Variants in NRXN1 observed in about 807,000 individuals in gnomAD.
NRXN1 encodes the protein neurexin-1.
NRXN1 carries 39 observed loss-of-function variants against 150.9 expected under a neutral mutation model. That is an observed-to-expected ratio of 0.26 (90% CI 0.20 to 0.34). The LOEUF is 0.34. Ranked by LOEUF, NRXN1 falls within the 10% of genes least tolerant of loss-of-function variation. The pLI is 1.00. For missense variants in NRXN1, 1,815 were observed against 1,949.9 expected (o/e 0.93, Z 1.30); for synonymous variants, 924 against 757.0 (o/e 1.22, Z -3.62).
At chr2:50,870,077 C>A (rs1677540732) in intron 5 of NRXN1, among the ~76,000 whole-genome samples, 1 of 151,806 alleles carries the variant, frequency 6.6e-6, no homozygotes, top group Admixed American at 6.6e-5. Context: ...CCAGAATTAT[C>A]ATAATTTTGC....
intron 5 of NRXN1, among the ~76,000 whole-genome samples, chr2:50,698,347 A>G (rs1693227997): frequency 6.6e-6 from 1 of 152,238 alleles, no homozygotes; most frequent in African/African-American, 2.4e-5. Context: ...GATATATGCT[A>G]TCACAAAAGA....
chr2:50,658,317 C>T (rs565027300), intron 5 of NRXN1, among the ~76,000 whole-genome samples: 140 of 151,276 alleles, frequency 9.3e-4, no homozygotes, highest in Middle Eastern at 3.4e-3. Flanking sequence ...CTGCCCAATG[C>T]GACATCAGTG....
chr2:49,991,832 C>T lies in NRXN1; in HGVS notation c.4129-48041G>A, dbSNP rs193182415. The stretch of plus-strand genomic sequence containing the variant: ...AAGTTGAAGGACTGACATCATCTAA[C>T]GTCAAGCCTTACTATAAAGTTATAA... On this transcript the variant is annotated intron_variant, in intron 21 of 22. Coordinates refer to ENST00000401669, the MANE Select transcript of NRXN1 (RefSeq NM_001330078.2). Among the ~76,000 whole-genome samples, 47 of 152,236 alleles carry T rather than the reference C, an allele frequency of 3.1e-4. No homozygotes were observed. In the East Asian group the frequency reaches 4.6e-3, roughly 15 times the overall value.
At position 50,552,913 on chromosome 2, in the gene NRXN1, G is replaced by C; in HGVS notation, c.1433C>G (p.Thr478Ser). Reference sequence around the variant, plus strand: ...GGTTTCAAAGGTGATTGGGTCTAAAGTTGCAACATTCTCACATTTAAATGC... The same window carrying C: ...GGTTTCAAAGGTGATTGGGTCTAAACTTGCAACATTCTCACATTTAAATGC... ...VVAFKCENVA[T>S]LDPITFETPE... Residue 478 changes from threonine (T) to serine (S), a missense_variant, in exon 9 of 23, where the codon ACT becomes AGT. Thr to Ser is a moderately conservative substitution (Grantham distance 58, BLOSUM62 1). Transcript: ENST00000401669. The C allele has an allele frequency of 6.2e-7, 1 of 1,613,888 alleles. No homozygotes were observed. The highest frequency in any genetic ancestry group is 8.5e-7 in the Non-Finnish European group (1 of 1,179,822).
intron 17 of NRXN1, among the ~76,000 whole-genome samples, chr2:50,237,396 C>A (rs181349901): frequency 1.2e-4 from 19 of 152,150 alleles, no homozygotes; most frequent in Non-Finnish European, 1.5e-5. Context: ...CAGGGTCATA[C>A]AGCACAGTGG....
intron 17 of NRXN1, among the ~76,000 whole-genome samples, chr2:50,322,190 G>T (rs183289910): frequency 6.0e-4 from 91 of 152,226 alleles, no homozygotes; most frequent in African/African-American, 2.2e-3. Context: ...GACCACGAAG[G>T]CCAATTCCTT....
chr2:50,734,459 G>A lies in NRXN1; in HGVS notation c.833-110844C>T, dbSNP rs139862760. ...CTTTAATAGCCCTCAGTGTTGCACC[G>A]CTTTCTTTGTCTTTCTATGACAATA... On this transcript the variant is annotated intron_variant, in intron 5 of 22. Coordinates refer to ENST00000401669, the MANE Select transcript of NRXN1 (RefSeq NM_001330078.2). 1.1e-4 allele frequency among the ~76,000 whole-genome samples: 17 copies of A among 152,132 alleles called. No individual in the cohort carries two copies. The East Asian group carries it at 2.7e-3, about 24-fold the overall frequency.
intron 9 of NRXN1, among the ~76,000 whole-genome samples, chr2:50,548,764 T>C (rs949790520): frequency 1.3e-5 from 2 of 151,292 alleles, no homozygotes; most frequent in African/African-American, 4.8e-5. Context: ...CCACCAAATA[T>C]GATTTTAACC....
chr2:50,382,119 A>G (rs2351515), intron 17 of NRXN1, among the ~76,000 whole-genome samples: 1 of 151,858 alleles, frequency 6.6e-6, no homozygotes, highest in South Asian at 2.1e-4. Context: ...TGTAAGAAAG[A>G]CCTATTACTC....
chr2:50,828,677 C>T (rs1321148269), intron 5 of NRXN1, among the ~76,000 whole-genome samples: 2 of 151,088 alleles, frequency 1.3e-5, no homozygotes, highest in African/African-American at 4.9e-5. Context: ...GGATGGCGGC[C>T]GGGAAGAGGT....
rs1183354276 is a variant in NRXN1, at chr2:50,329,665, ATATATATATTTTT to A, written c.3365-92708_3365-92696del. On this transcript the variant is annotated intron_variant, in intron 17 of 22. Coordinates refer to ENST00000401669, the MANE Select transcript of NRXN1 (RefSeq NM_001330078.2). ...TATATATATATATATATATATATAT[ATATATATATTTTT>A]TTTTTTCCCCCCCGAGACGGAGTCT... Among the ~76,000 whole-genome samples, 30 of 25,266 alleles carry A rather than the reference ATATATATATTTTT, an allele frequency of 1.2e-3. 1 individual carries two copies. Among genetic ancestry groups the A allele is most frequent in the African/African-American group, 5.9e-3 (28 of 4,736 alleles). The allele number at this position is 25,266 out of a possible 152,430, so 16.6% of individuals were successfully genotyped here.
Position 50,091,163 on chromosome 2 carries a change from A to T in NRXN1, c.3718+160T>A, listed in dbSNP as rs188664099. On this transcript the variant is annotated intron_variant, in intron 19 of 22. Transcript: ENST00000401669. ...ATGGCATTTGTACACTGTAGCAAGAACAGTTTAGGACAGCATTACATTCAC... is the reference window on the plus strand; with the variant it reads ...ATGGCATTTGTACACTGTAGCAAGATCAGTTTAGGACAGCATTACATTCAC... Among the ~76,000 whole-genome samples, 12 of 152,370 alleles carry T rather than the reference A, an allele frequency of 7.9e-5. No individual in the cohort carries two copies. The East Asian group carries it at 2.3e-3, about 29-fold the overall frequency.
At chr2:50,726,324 A>G (rs1334420507) in intron 5 of NRXN1, among the ~76,000 whole-genome samples, 1 of 152,208 alleles carries the variant, frequency 6.6e-6, no homozygotes, top group Non-Finnish European at 1.5e-5. Context: ...TCTGAGCCTC[A>G]GTTTCCTTAT....
intron 2 of NRXN1, among the ~76,000 whole-genome samples, chr2:50,984,853 T>C (rs1352677805): frequency 1.3e-5 from 2 of 152,186 alleles, no homozygotes; most frequent in East Asian, 3.9e-4. Context: ...AGTTTGTATT[T>C]ACCCCAAATT....
chr2:50,258,866 C>T (rs2067976874), intron 17 of NRXN1, among the ~76,000 whole-genome samples: 1 of 151,958 alleles, frequency 6.6e-6, no homozygotes, highest in South Asian at 2.1e-4. Context: ...GTGACAGGTG[C>T]ATTGTCAATG....
chr2:50,501,841 A>T (rs1316568407), intron 13 of NRXN1, among the ~76,000 whole-genome samples: 4 of 152,172 alleles, frequency 2.6e-5, no homozygotes, highest in African/African-American at 9.7e-5. Context: ...TCCCAAGAAC[A>T]GCTTGAGTAT....
chr2:50,078,864 C>T (rs1697483706), intron 19 of NRXN1, among the ~76,000 whole-genome samples: 2 of 152,024 alleles, frequency 1.3e-5, no homozygotes, highest in African/African-American at 4.8e-5. Flanking sequence ...AAGAAAGTTA[C>T]TACTTTTACT....
At position 50,716,491 on chromosome 2, in the gene NRXN1, A is replaced by C. The variant is rs1695883670; in HGVS notation, c.833-92876T>G. Among the ~76,000 whole-genome samples the C allele has an allele frequency of 2.0e-5, 3 of 152,168 alleles. No individual in the cohort carries two copies. In the South Asian group the frequency reaches 6.2e-4, roughly 31 times the overall value. ...TAATAAAACTTGGCTGAAAAAAGAT[A>C]ATTACAGTCCACATTTCAAATAAGA... is the stretch of plus-strand genomic sequence containing the variant. On this transcript the variant is annotated intron_variant, in intron 5 of 22. Transcript: ENST00000401669.
chr2:50,994,305 T>C (rs1330689190), intron 2 of NRXN1, among the ~76,000 whole-genome samples: 1 of 152,002 alleles, frequency 6.6e-6, no homozygotes, highest in African/African-American at 2.4e-5. Context: ...AGGCTACATT[T>C]CCATTATATC....
Sources: allele counts gnomAD v4.1 joint callset (sites outside exome capture counted in the v4.1 genomes callset), GRCh38; gene constraint gnomAD v4.1.1; transcripts MANE v1.5; gene names NCBI Gene and HGNC (gene_info 2026-07-23, HGNC 2026-07-21).